DYNC2I1: variants seen among roughly 807,000 people sequenced by gnomAD.
DYNC2I1 encodes dynein 2 intermediate chain 1, also known as cytoplasmic dynein 2 intermediate chain 1.
Under a neutral mutation model 133.4 loss-of-function variants are expected in DYNC2I1, and 89 were observed. That is an observed-to-expected ratio of 0.67 (90% CI 0.56 to 0.80). The LOEUF (loss-of-function observed/expected upper bound fraction) is 0.80, where lower values mean the gene tolerates loss of function less well. Among genes scored for constraint, DYNC2I1 ranks in the 30% least tolerant of loss-of-function variants. The probability of loss-of-function intolerance (pLI) is 0.00; values close to 1 mark genes in which losing one functional copy is unlikely to be tolerated. For synonymous variants in DYNC2I1, 504 were observed against 484.3 expected, an observed-to-expected ratio of 1.04 and a Z score of -0.54; for missense variants, 1,291 against 1,314.5, an observed-to-expected ratio of 0.98 and a Z score of 0.28.
In DYNC2I1 at chr7:158,875,235, C is replaced by T. The variant is rs1276440473; in HGVS notation, c.491-1374C>T. On this transcript the variant is annotated intron_variant, in intron 3 of 24. Transcript: ENST00000407559. ...TTAGCCTCCTGAGTACCTGGGATTA[C>T]AGGCGCACGCCACGACGCCCGGCTA... 5.3e-5 allele frequency among the ~76,000 whole-genome samples: 8 copies of T among 151,950 alleles called. No homozygotes were observed. In the East Asian group the frequency reaches 1.6e-3, roughly 29 times the overall value.
At chr7:158,885,676 G>C (rs1216896110) in intron 6 of DYNC2I1, among the ~76,000 whole-genome samples, 2 of 152,066 alleles carry the variant, frequency 1.3e-5, no homozygotes, top group Non-Finnish European at 2.9e-5. Context: ...ACTTTAATTT[G>C]TTCTTTCTGA....
At position 158,880,138 on chromosome 7, in the gene DYNC2I1, G is replaced by T. The variant is rs549702169; in HGVS notation, c.879+149G>T. On this transcript the variant is annotated intron_variant, in intron 5 of 24. Transcript: ENST00000407559. ...AAAACGCAACTCAAGTCTTGATTAC[G>T]TGGTTAGTATAGACAGATTACTGAT... The T allele has an allele frequency of 1.6e-4, 136 of 835,566 alleles. 1 individual carries two copies. The South Asian group carries it at 2.2e-3, about 14-fold the overall frequency. The allele number at this position is 835,566 out of a possible 1,614,324, so 51.8% of individuals were successfully genotyped here. A position where few individuals can be genotyped will look rare whatever the true frequency, so the allele number is the denominator to read the frequency against.
At chr7:158,940,949 T>G (rs974429261) in intron 23 of DYNC2I1, among the ~76,000 whole-genome samples, 1 of 151,258 alleles carries the variant, frequency 6.6e-6, no homozygotes, top group Non-Finnish European at 1.5e-5. Context: ...CAAACCAAAC[T>G]CAAAATTAGT....
intron 8 of DYNC2I1, among the ~76,000 whole-genome samples, chr7:158,897,527 A>G (rs1845866677): frequency 6.6e-6 from 1 of 152,200 alleles, no homozygotes; most frequent in Admixed American, 6.5e-5. Context: ...ATTTATGGGC[A>G]TAGAGCTGTT....
chr7:158,873,227 A>G (rs1164081888), intron 3 of DYNC2I1, among the ~76,000 whole-genome samples: 8 of 152,150 alleles, frequency 5.3e-5, no homozygotes, highest in Non-Finnish European at 1.2e-4. Context: ...TTGGTTATAT[A>G]GGTAGTATAT....
chr7:158,917,312 C>G (rs972306057), intron 14 of DYNC2I1, among the ~76,000 whole-genome samples: 2 of 151,404 alleles, frequency 1.3e-5, no homozygotes, highest in Non-Finnish European at 1.5e-5. Context: ...GATTGTGAGA[C>G]GTCACTAAAC....
chr7:158,895,277 G>A (rs962178630), intron 8 of DYNC2I1, among the ~76,000 whole-genome samples: 2 of 152,094 alleles, frequency 1.3e-5, no homozygotes, highest in Non-Finnish European at 2.9e-5. Flanking sequence ...TTATGGTTTC[G>A]CATTTTACAC....
intron 13 of DYNC2I1, among the ~76,000 whole-genome samples, chr7:158,913,638 G>A (rs999029917): frequency 6.6e-6 from 1 of 152,008 alleles, no homozygotes; most frequent in Admixed American, 6.6e-5. Flanking sequence ...CCTTTTCTCA[G>A]GTAAGCCTCA....
In DYNC2I1 at chr7:158,915,682, C is replaced by T. The variant is rs530414671; in HGVS notation, c.1791+1361C>T. Among the ~76,000 whole-genome samples, 9 of 131,348 alleles carry T rather than the reference C, an allele frequency of 6.9e-5. No homozygotes were observed. In the South Asian group the frequency reaches 1.5e-3, roughly 23 times the overall value. The allele number at this position is 131,348 out of a possible 152,430, so 86.2% of individuals were successfully genotyped here. On this transcript the variant is annotated intron_variant, in intron 14 of 24. Coordinates refer to ENST00000407559, the MANE Select transcript of DYNC2I1 (RefSeq NM_018051.5). ...GTTGACATTAAGGATGATTGTGAAA[C>T]GTCGACACGCTGGTTGACATTAAGG...
intron 7 of DYNC2I1, among the ~76,000 whole-genome samples, chr7:158,888,508 G>C (rs111985587): frequency 1.3e-5 from 2 of 151,748 alleles, no homozygotes; most frequent in African/African-American, 4.8e-5. Context: ...GTCTCACTCT[G>C]TTGCCCAGGC....
chr7:158,875,294 C>T (rs185467746), intron 3 of DYNC2I1, among the ~76,000 whole-genome samples: 2 of 152,144 alleles, frequency 1.3e-5, no homozygotes, highest in Admixed American at 1.3e-4. Flanking sequence ...GGGGTTTCAC[C>T]ATGTTGGCCA....
chr7:158,896,712 A>G (rs1042950232), intron 8 of DYNC2I1, among the ~76,000 whole-genome samples: 1 of 152,102 alleles, frequency 6.6e-6, no homozygotes, highest in Non-Finnish European at 1.5e-5. Context: ...GGCTCAAGTG[A>G]TCTTACTGCC....
intron 11 of DYNC2I1, among the ~76,000 whole-genome samples, chr7:158,907,978 T>A (rs1209838520): frequency 6.6e-6 from 1 of 152,158 alleles, no homozygotes; most frequent in Admixed American, 6.6e-5. Flanking sequence ...ATATATAATG[T>A]ACAAGTAGAT....
chr7:158,891,463 G>A, intron 8 of DYNC2I1, 130 bp downstream of exon 8: 1 of 974,400 alleles, frequency 1.0e-6, no homozygotes, highest in South Asian at 1.4e-5. Flanking sequence ...ACATGAGCAT[G>A]AAGGGACAGA....
intron 2 of DYNC2I1, 40 bp from the exon 3 acceptor site, chr7:158,871,102 C>G (rs762135281): frequency 3.8e-6 from 6 of 1,568,692 alleles, no homozygotes; most frequent in Non-Finnish European, 5.2e-6. Context: ...TGGAAATCTG[C>G]CTTCCTGGTC....
chr7:158,941,570 G>A (rs1292807707), intron 23 of DYNC2I1, among the ~76,000 whole-genome samples: 1 of 152,142 alleles, frequency 6.6e-6, no homozygotes, highest in Admixed American at 6.5e-5. Flanking sequence ...TCTGGCTGCT[G>A]AGATCAAGTT....
chr7:158,888,803 A>T (rs536600225), intron 7 of DYNC2I1, among the ~76,000 whole-genome samples: 3 of 152,136 alleles, frequency 2.0e-5, no homozygotes, highest in African/African-American at 7.2e-5. Flanking sequence ...GCTTTATTCT[A>T]TGTCCGTACA....
chr7:158,893,664 G>A (rs191165601), intron 8 of DYNC2I1, among the ~76,000 whole-genome samples: 77 of 151,296 alleles, frequency 5.1e-4, no homozygotes, highest in Admixed American at 3.2e-3. Context: ...ATGTCACACC[G>A]CATATCATAC....
At chr7:158,943,167 T>G (rs1851541481) in intron 24 of DYNC2I1, among the ~76,000 whole-genome samples, 1 of 152,204 alleles carries the variant, frequency 6.6e-6, no homozygotes, top group African/African-American at 2.4e-5. Context: ...TTGCATTTAT[T>G]TAGTTTGATT....
Sources: gnomAD v4.1 joint callset for allele counts (sites outside exome capture counted in the v4.1 genomes callset) on GRCh38, gnomAD v4.1.1 for gene constraint, MANE v1.5 for transcripts, NCBI Gene and HGNC (gene_info 2026-07-23, HGNC 2026-07-21) for gene names.